The following CSMD1 variants were observed in gnomAD, a reference collection of about 807,000 sequenced individuals.
CSMD1 encodes the protein CUB and Sushi multiple domains 1, also known as CUB and sushi domain-containing protein 1.
In CSMD1, 213 loss-of-function variants were observed where a neutral mutation model predicts 417.5. The observed-to-expected ratio is 0.51, with a 90% CI of 0.46 to 0.57. The LOEUF (loss-of-function observed/expected upper bound fraction) is 0.57. CSMD1 is among the 20% of genes least tolerant of loss of function. The pLI is 0.00. For synonymous variants in CSMD1, 2,862 were observed against 1,736.8 expected (o/e 1.65, Z -16.11); for missense variants, 6,923 against 4,529.7 (o/e 1.53, Z -15.17).
chr8:3,155,942 G>C (rs13250365), intron 39 of CSMD1, among the ~76,000 whole-genome samples: 21 of 152,250 alleles, frequency 1.4e-4, no homozygotes, highest in African/African-American at 4.8e-4. Context: ...TCCCATGCAA[G>C]GCAGTTAAAT....
At chr8:4,955,559 G>A (rs12549231) in intron 1 of CSMD1, among the ~76,000 whole-genome samples, 24,450 of 151,776 alleles carry the variant, frequency 0.16, 2,518 homozygotes, top group Non-Finnish European at 0.24. Flanking sequence ...GGGTTCAAGA[G>A]ACTCTCCTGC....
At chr8:4,727,326 C>G (rs754278989) in intron 1 of CSMD1, among the ~76,000 whole-genome samples, 1 of 152,032 alleles carries the variant, frequency 6.6e-6, no homozygotes, top group Non-Finnish European at 1.5e-5. Context: ...TTTGAGAAAC[C>G]CATGAACAAA....
chr8:4,523,255 T>C (rs868296845), intron 2 of CSMD1, among the ~76,000 whole-genome samples: 1 of 152,142 alleles, frequency 6.6e-6, no homozygotes, highest in South Asian at 2.1e-4. Flanking sequence ...AAACATAGAT[T>C]GACCCTCAAA....
chr8:3,901,837 G>C (rs772190842), intron 5 of CSMD1, among the ~76,000 whole-genome samples: 8 of 152,260 alleles, frequency 5.3e-5, no homozygotes, highest in African/African-American at 1.7e-4. Context: ...TTTGCATCCT[G>C]ATATTACCAT....
chr8:4,322,341 G>C (rs1411421025), intron 3 of CSMD1, among the ~76,000 whole-genome samples: 2 of 151,966 alleles, frequency 1.3e-5, no homozygotes, highest in Non-Finnish European at 2.9e-5. Context: ...GCAACAATCT[G>C]AGCACTGGAG....
intron 17 of CSMD1, among the ~76,000 whole-genome samples, chr8:3,389,986 A>C (rs976830490): frequency 1.3e-5 from 2 of 152,160 alleles, no homozygotes; most frequent in African/African-American, 4.8e-5. Flanking sequence ...GAATTATGAT[A>C]CTACATTCGA....
intron 1 of CSMD1, among the ~76,000 whole-genome samples, chr8:4,796,885 C>A (rs971756525): frequency 1.3e-5 from 2 of 152,292 alleles, no homozygotes; most frequent in East Asian, 3.9e-4. Flanking sequence ...CATATGCACA[C>A]AACTGAAACG....
chr8:3,047,680 C>A (rs947054317), intron 50 of CSMD1, among the ~76,000 whole-genome samples: 10 of 152,242 alleles, frequency 6.6e-5, no homozygotes, highest in African/African-American at 2.4e-4. Context: ...TTAAAACCTA[C>A]ATTGTGTTTC....
Position 3,406,062 on chromosome 8 carries a change from T to C in CSMD1, c.2231A>G (p.Asn744Ser), listed in dbSNP as rs762884041. The C allele has an allele frequency of 3.7e-6, 6 of 1,613,788 alleles. No homozygotes were observed. In the East Asian group the frequency reaches 6.7e-5, roughly 18 times the overall value. The change falls in exon 15 of 70, where the codon AAC becomes AGC. Residue 744 changes from asparagine (N) to serine (S), a missense_variant. Asn to Ser is a conservative substitution (Grantham distance 46). Transcript: ENST00000635120. The stretch of plus-strand genomic sequence containing the variant: ...GGGCACGGTGGAGCTCCAGACCACG[T>C]TCCCGTCTTGCAGTATGCAGGTAAT... ...ESITCILQDGNVVWSSTVPRC... is the reference protein window; with the variant it reads ...ESITCILQDGSVVWSSTVPRC...
chr8:4,838,898 A>G (rs557750863), intron 1 of CSMD1, among the ~76,000 whole-genome samples: 147 of 152,336 alleles, frequency 9.6e-4, no homozygotes, highest in African/African-American at 3.5e-3. Flanking sequence ...CCCAGAACTT[A>G]AGCTCTAAAG....
intron 1 of CSMD1, among the ~76,000 whole-genome samples, chr8:4,911,591 A>G (rs1418830088): frequency 6.6e-6 from 1 of 151,994 alleles, no homozygotes; most frequent in Non-Finnish European, 1.5e-5. Flanking sequence ...GGGATCTCAG[A>G]GCTCTCCTGA....
chr8:3,929,234 T>C (rs1479098659), intron 5 of CSMD1, among the ~76,000 whole-genome samples: 2 of 150,440 alleles, frequency 1.3e-5, no homozygotes, highest in African/African-American at 4.9e-5. Context: ...AAGGAGGTGT[T>C]TGTCCATATA....
chr8:4,947,083 C>T (rs901035946), intron 1 of CSMD1, among the ~76,000 whole-genome samples: 4 of 152,052 alleles, frequency 2.6e-5, no homozygotes, highest in African/African-American at 9.7e-5. Context: ...TAGGATAATC[C>T]ATTTGTAGTT....
At chr8:4,278,597 T>C (rs970023345) in intron 3 of CSMD1, among the ~76,000 whole-genome samples, 1 of 152,218 alleles carries the variant, frequency 6.6e-6, no homozygotes, top group Non-Finnish European at 1.5e-5. Context: ...AGAAAATGAT[T>C]AAATAAATTC....
At chr8:3,697,050 A>G (rs1166186714) in intron 7 of CSMD1, among the ~76,000 whole-genome samples, 4 of 152,196 alleles carry the variant, frequency 2.6e-5, no homozygotes, top group Admixed American at 6.5e-5. Context: ...TTGAGGGCAG[A>G]CACAAGGTAG....
chr8:3,595,010 T>C (rs1801025345), intron 8 of CSMD1, among the ~76,000 whole-genome samples: 2 of 152,232 alleles, frequency 1.3e-5, no homozygotes, highest in South Asian at 2.1e-4. Flanking sequence ...CCGGCCTCTG[T>C]GTGCAGTCTC....
Position 3,641,816 on chromosome 8 carries a change from T to G in CSMD1, c.1010-25019A>C, listed in dbSNP as rs1278607521. ...AAAAAACCATCTGTTGTGACCTTTGTCGATCTCTTCCCTCAAACCTACCAT... is the reference window on the plus strand; with the variant it reads ...AAAAAACCATCTGTTGTGACCTTTGGCGATCTCTTCCCTCAAACCTACCAT... On this transcript the variant is annotated intron_variant, in intron 7 of 69. Coordinates refer to ENST00000635120, the MANE Select transcript of CSMD1 (RefSeq NM_033225.6). Among the ~76,000 whole-genome samples the G allele has an allele frequency of 2.0e-5, 3 of 152,202 alleles. No homozygotes were observed. The East Asian group carries it at 5.8e-4, about 29-fold the overall frequency.
At chr8:3,930,800 C>A (rs1328929275) in intron 5 of CSMD1, among the ~76,000 whole-genome samples, 1 of 150,452 alleles carries the variant, frequency 6.6e-6, no homozygotes, top group Non-Finnish European at 1.5e-5. Flanking sequence ...GTACAAGGGT[C>A]AAGATTTCTT....
At chr8:4,788,491 C>G (rs1585099412) in intron 1 of CSMD1, 4 of 1,346,268 alleles carry the variant, frequency 3.0e-6, no homozygotes, top group Non-Finnish European at 4.3e-6. Context: ...TTGGGGTAGA[C>G]AACCATTTAG....
Sources: gnomAD v4.1 joint callset for allele counts (sites outside exome capture counted in the v4.1 genomes callset) on GRCh38, gnomAD v4.1.1 for gene constraint, MANE v1.5 for transcripts, NCBI Gene and HGNC (gene_info 2026-07-23, HGNC 2026-07-21) for gene names.